Variants in ERBB3 observed in about 807,000 individuals in gnomAD.
The protein encoded by ERBB3 is receptor tyrosine-protein kinase erbB-3.
Under a neutral mutation model 156.7 loss-of-function variants are expected in ERBB3, and 96 were observed. The observed-to-expected ratio is 0.61, with a 90% CI of 0.52 to 0.73. ERBB3 has a LOEUF of 0.73. ERBB3 is among the 30% of genes least tolerant of loss of function. The probability of loss-of-function intolerance (pLI) is 0.00; values close to 1 mark genes in which losing one functional copy is unlikely to be tolerated. For missense variants in ERBB3, 1,406 were observed against 1,709.4 expected (o/e 0.82, Z 3.13); for synonymous variants, 567 against 632.0 (o/e 0.90, Z 1.54).
intron 21 of ERBB3, 190 bp downstream of exon 21, chr12:56,098,130 C>G: frequency 4.7e-6 from 3 of 639,898 alleles, no homozygotes; most frequent in Non-Finnish European, 5.3e-6. Context: ...ACTGGCCGGG[C>G]GCGGTGGCTC....
chr12:56,094,045 C>A, intron 13 of ERBB3, 54 bp from the exon 14 acceptor site: 1 of 1,561,330 alleles, frequency 6.4e-7, no homozygotes, highest in Non-Finnish European at 8.8e-7. Context: ...GAGATCGGAG[C>A]ATGAAGGTCA....
chr12:56,083,670 A>C, intron 1 of ERBB3, 81 bp from the exon 2 acceptor site: 1 of 1,546,990 alleles, frequency 6.5e-7, no homozygotes, highest in South Asian at 1.1e-5. Context: ...GAGGGCAACC[A>C]AGGGGGTGAT....
At chr12:56,098,963 T>A in intron 23 of ERBB3, 58 bp downstream of exon 23, 1 of 1,528,474 alleles carries the variant, frequency 6.5e-7, no homozygotes, top group South Asian at 1.2e-5. Context: ...TTCTTTTTTT[T>A]TTTTTTTTGA....
At chr12:56,091,285 T>TATATATATAA (rs1565858491) in intron 9 of ERBB3, among the ~76,000 whole-genome samples, 1 of 61,222 alleles carries the variant, frequency 1.6e-5, no homozygotes, top group Non-Finnish European at 3.6e-5. Flanking sequence ...TATATATATA[T>TATATATATAA]ATATATATAT....
At chr12:56,097,998 C>A (rs372003359) in intron 21 of ERBB3, 58 bp downstream of exon 21, 1 of 1,566,220 alleles carries the variant, frequency 6.4e-7, no homozygotes, top group Non-Finnish European at 8.8e-7. Context: ...GGATAGGGAG[C>A]AGCCAGTGGT....
chr12:56,091,324 TATATAAATAATATA>T (rs1339732269), intron 9 of ERBB3, among the ~76,000 whole-genome samples: 4 of 23,728 alleles, frequency 1.7e-4, no homozygotes, highest in Non-Finnish European at 3.6e-4. Flanking sequence ...TAAATATATA[TATATAAATAATATA>T]TATAAATATA....
intron 9 of ERBB3, among the ~76,000 whole-genome samples, chr12:56,091,299 T>TA (rs374762207): frequency 3.6e-3 from 5 of 1,384 alleles, no homozygotes; most frequent in African/African-American, 0.015. Flanking sequence ...TATATATAAA[T>TA]AATATATATA....
chr12:56,089,365 C>T (rs1315175031), intron 9 of ERBB3, among the ~76,000 whole-genome samples: 1 of 152,102 alleles, frequency 6.6e-6, no homozygotes, highest in Non-Finnish European at 1.5e-5. Flanking sequence ...AAGCAATCCT[C>T]CCATCTTGGC....
rs761437304 is a variant in ERBB3 at position 56,085,055 on chromosome 12, T to C, written c.295T>C (p.Leu99=). Residue 99 remains leucine (L), a synonymous_variant, in exon 3 of 28, where the codon TTG becomes CTG. Coordinates refer to ENST00000267101, the MANE Select transcript of ERBB3 (RefSeq NM_001982.4). ...CATGAATGAATTCTCTACTCTACCA[T>C]TGCCCAACCTCCGCGTGGTGCGAGG... ...VAMNEFSTLP[L]PNLRVVRGTQ... is the part of the protein sequence containing the mutation. 6.2e-6 allele frequency: 10 copies of C among 1,614,166 alleles called. No individual in the cohort carries two copies. Among genetic ancestry groups the C allele is most frequent in the African/African-American group, 4.0e-5 (3 of 75,040 alleles).
intron 9 of ERBB3, among the ~76,000 whole-genome samples, chr12:56,091,792 C>T (rs956261154): frequency 7.9e-5 from 12 of 152,184 alleles, no homozygotes; most frequent in Admixed American, 6.5e-4. Context: ...ACTATTTTTC[C>T]ATTCACAATT....
chr12:56,097,959 T>TA lies in ERBB3; in HGVS notation c.2616+21dup. The TA allele has an allele frequency of 1.2e-6, 2 of 1,611,272 alleles. No individual in the cohort carries two copies. Among genetic ancestry groups the TA allele is most frequent in the Non-Finnish European group, 1.7e-6 (2 of 1,179,484 alleles). ...GGCCAAGGTGAGGAGACACAAAGGG[T>TA]AAGGAGGCGGGGGTGGAGTGAAGCA... On this transcript the variant is annotated intron_variant, in intron 21 of 27. Coordinates refer to ENST00000267101, the MANE Select transcript of ERBB3 (RefSeq NM_001982.4).
At chr12:56,098,393 C>T (rs1868967622) in intron 21 of ERBB3, 107 bp from the exon 22 acceptor site, 1 of 857,684 alleles carries the variant, frequency 1.2e-6, no homozygotes, top group Non-Finnish European at 1.9e-6. Context: ...GTCTGGGCGA[C>T]AGAGCGAGAC....
At chr12:56,089,694 G>A (rs1431798378) in intron 9 of ERBB3, among the ~76,000 whole-genome samples, 2 of 151,282 alleles carry the variant, frequency 1.3e-5, no homozygotes, top group Non-Finnish European at 2.9e-5. Context: ...GCAGTGAACC[G>A]AGATTACACC....
At chr12:56,091,273 T>TAA (rs1271789665) in intron 9 of ERBB3, among the ~76,000 whole-genome samples, 9 of 12,674 alleles carry the variant, frequency 7.1e-4, no homozygotes, top group East Asian at 2.9e-3. Flanking sequence ...ATTTTATATA[T>TAA]ATATATATAT....
In ERBB3 at chr12:56,094,490, G is replaced by T. The variant is rs774044496; in HGVS notation, c.1793G>T (p.Gly598Val). 1.9e-6 allele frequency: 3 copies of T among 1,614,146 alleles called. No individual in the cohort carries two copies. Among genetic ancestry groups the T allele is most frequent in the Non-Finnish European group, 2.5e-6 (3 of 1,180,034 alleles). ...CCCCATGGAGTCCTAGGTGCCAAGG[G>T]CCCAATCTACAAGTACCCAGATGTT... ...SCPHGVLGAK[G>V]PIYKYPDVQN... Residue 598 changes from glycine (G) to valine (V), a missense_variant, in exon 15 of 28, where the codon GGC (glycine) becomes GTC (valine). By Grantham distance (109) the Gly-to-Val change is moderately radical. Transcript: ENST00000267101.
Position 56,093,435 on chromosome 12 carries a change from T to C in ERBB3, c.1365T>C (p.Tyr455=), listed in dbSNP as rs367629214. Residue 455 remains tyrosine (Y), a synonymous_variant, in exon 12 of 28, where the codon TAT becomes TAC. Coordinates refer to ENST00000267101, the MANE Select transcript of ERBB3 (RefSeq NM_001982.4). ...AGGAAATTAGTGCTGGGCGTATCTA[T>C]ATAAGTGCCAATAGGCAGCTCTGCT... is the stretch of plus-strand genomic sequence containing the variant. ...SLKEISAGRI[Y]ISANRQLCYH... is the part of the protein sequence containing the mutation. 2.2e-5 allele frequency: 35 copies of C among 1,613,944 alleles called. No homozygotes were observed. The highest frequency in any genetic ancestry group is 2.5e-5 in the Non-Finnish European group (30 of 1,179,992).
At chr12:56,094,335 T>G (rs1592229629) in intron 14 of ERBB3, 67 bp from the exon 15 acceptor site, 1 of 1,590,844 alleles carries the variant, frequency 6.3e-7, no homozygotes, top group Non-Finnish European at 8.6e-7. Flanking sequence ...TCTGGGTTGG[T>G]CTTTGCTGGG....
At position 56,101,664 on chromosome 12, in the gene ERBB3, G is replaced by C; in HGVS notation, c.3638G>C (p.Arg1213Thr). Reference sequence around the variant, plus strand: ...AGGCACAGTCCACCTCATCCCCCTAGGCCAAGTTCCCTTGAGGAGCTGGGT... The same window carrying C: ...AGGCACAGTCCACCTCATCCCCCTACGCCAAGTTCCCTTGAGGAGCTGGGT... ...RRRHSPPHPP[R>T]PSSLEELGYE... The change falls in exon 28 of 28, where the codon AGG becomes ACG. Residue 1213 changes from arginine to threonine, a missense_variant. Physicochemically the swap from Arg to Thr is moderately conservative, Grantham distance 71 (BLOSUM62 -1). Around this residue, in one of 3 missense-constraint regions of ERBB3, gnomAD observed 415 missense variants for 454.1 expected, o/e 0.91. Transcript: ENST00000267101. The C allele has an allele frequency of 6.2e-7, 1 of 1,613,944 alleles. No individual in the cohort carries two copies. Among genetic ancestry groups the C allele is most frequent in the Non-Finnish European group, 8.5e-7 (1 of 1,179,984 alleles).
intron 16 of ERBB3, 37 bp downstream of exon 16, chr12:56,095,347 T>C: frequency 6.3e-7 from 1 of 1,577,738 alleles, no homozygotes; most frequent in Non-Finnish European, 8.7e-7. Context: ...ACTGGGGATA[T>C]TTGGGAGTTG....
Sources: gnomAD v4.1 joint callset for allele counts (sites outside exome capture counted in the v4.1 genomes callset) on GRCh38, gnomAD v4.1.1 for gene constraint, gnomAD v4.1.1 regional missense constraint, MANE v1.5 for transcripts, NCBI Gene and HGNC (gene_info 2026-07-23, HGNC 2026-07-21) for gene names.